Variants in PAX3 observed in about 807,000 individuals in gnomAD.
The protein encoded by PAX3 is paired box protein Pax-3.
PAX3 carries 14 observed loss-of-function variants against 51.6 expected under a neutral mutation model. The observed-to-expected ratio is 0.27, with a 90% CI of 0.18 to 0.42. The LOEUF (loss-of-function observed/expected upper bound fraction) is 0.42. PAX3 is among the 10% of genes least tolerant of loss of function. The pLI, the probability that PAX3 is intolerant of heterozygous loss-of-function variation, is 1.00. For synonymous variants in PAX3, 280 were observed against 253.4 expected (o/e 1.11, Z -1.00); for missense variants, 540 against 642.8 (o/e 0.84, Z 1.73).
chr2:222,244,578 T>C (rs926327980), intron 4 of PAX3, among the ~76,000 whole-genome samples: 2 of 152,088 alleles, frequency 1.3e-5, no homozygotes, highest in African/African-American at 4.8e-5. Context: ...ATGTGAAGAA[T>C]GTTCCCTACA....
intron 4 of PAX3, among the ~76,000 whole-genome samples, chr2:222,240,622 A>G (rs1692976410): frequency 1.3e-5 from 2 of 152,356 alleles, no homozygotes; most frequent in Non-Finnish European, 2.9e-5. Context: ...CACTCATACA[A>G]GCAACATTTT....
intron 7 of PAX3, among the ~76,000 whole-genome samples, chr2:222,212,084 T>C (rs1691759161): frequency 6.6e-6 from 1 of 152,050 alleles, no homozygotes; most frequent in South Asian, 2.1e-4. Context: ...ATAAATATAA[T>C]AATGTGGCAT....
chr2:222,233,745 C>T (rs1361250347), intron 4 of PAX3, among the ~76,000 whole-genome samples: 2 of 152,132 alleles, frequency 1.3e-5, no homozygotes, highest in African/African-American at 4.8e-5. Flanking sequence ...CAGCCTGGCT[C>T]TTGAACACAT....
chr2:222,221,024 A>G (rs533573404), intron 6 of PAX3, among the ~76,000 whole-genome samples, 198 bp downstream of exon 6: 35 of 152,374 alleles, frequency 2.3e-4, no homozygotes, highest in Non-Finnish European at 3.2e-4. Context: ...ATATTACAGC[A>G]CAGTTTATCT....
intron 7 of PAX3, among the ~76,000 whole-genome samples, chr2:222,215,553 G>A (rs1455617233): frequency 6.6e-6 from 1 of 151,996 alleles, no homozygotes; most frequent in African/African-American, 2.4e-5. Flanking sequence ...TTGGGGGTTT[G>A]GCTATGTGTG....
At chr2:222,269,112 T>C (rs1694158397) in intron 4 of PAX3, among the ~76,000 whole-genome samples, 1 of 152,262 alleles carries the variant, frequency 6.6e-6, no homozygotes, top group African/African-American at 2.4e-5. Flanking sequence ...GACATGGCCC[T>C]GTCTGGCTGC....
At chr2:222,216,283 A>G (rs996195620) in intron 7 of PAX3, among the ~76,000 whole-genome samples, 1 of 152,162 alleles carries the variant, frequency 6.6e-6, no homozygotes, top group East Asian at 1.9e-4. Flanking sequence ...CCATCAATTA[A>G]ATGATTGTGT....
At chr2:222,205,264 G>A (rs2106040727) in intron 7 of PAX3, among the ~76,000 whole-genome samples, 1 of 152,188 alleles carries the variant, frequency 6.6e-6, no homozygotes, top group Non-Finnish European at 1.5e-5. Flanking sequence ...AAGGTTCCAG[G>A]GCTGAGTAGC....
intron 4 of PAX3, among the ~76,000 whole-genome samples, chr2:222,271,925 C>A (rs1271489487): frequency 6.6e-6 from 1 of 152,198 alleles, no homozygotes; most frequent in African/African-American, 2.4e-5. Context: ...TCCAACTTCA[C>A]AAGGAGCTGT....
intron 7 of PAX3, among the ~76,000 whole-genome samples, chr2:222,218,601 T>C (rs1408297517): frequency 6.6e-6 from 1 of 152,216 alleles, no homozygotes; most frequent in Non-Finnish European, 1.5e-5. Context: ...CTTCTGATGT[T>C]ACTTCTAAGT....
Position 222,201,129 on chromosome 2 carries a change from A to T in PAX3, c.*279T>A. 5.0e-6 allele frequency: 8 copies of T among 1,604,076 alleles called. No individual in the cohort carries two copies. The highest frequency in any genetic ancestry group is 6.0e-6 in the Non-Finnish European group (7 of 1,171,364). On this transcript the variant is annotated 3_prime_UTR_variant, in exon 9 of 9. Transcript: ENST00000392070. ...CACTAAAGAATTGGGATGTTTTGAT[A>T]TGTAACCATGTGAAACCATTGCCTT... is the stretch of plus-strand genomic sequence containing the variant.
intron 4 of PAX3, chr2:222,287,277 T>A (rs906324020): frequency 1.3e-5 from 2 of 152,206 alleles, no homozygotes; most frequent in Non-Finnish European, 2.9e-5. Context: ...AGAAAATAGG[T>A]ATTGAAGGTA....
At chr2:222,287,166 G>A (rs1039223265) in intron 4 of PAX3, among the ~76,000 whole-genome samples, 1 of 152,168 alleles carries the variant, frequency 6.6e-6, no homozygotes, top group Non-Finnish European at 1.5e-5. Flanking sequence ...TTGCTCTACC[G>A]AAGACTGGTG....
At position 222,224,442 on chromosome 2, in the gene PAX3, T is replaced by C. The variant is rs913953765; in HGVS notation, c.793-3055A>G. The stretch of plus-strand genomic sequence containing the variant: ...TATCATCTTACCATTGCCAGCCTTC[T>C]GCATTTCCTAGAACCAGCTGAATTT... On this transcript the variant is annotated intron_variant, in intron 5 of 8. Coordinates refer to ENST00000392070, the MANE Select transcript of PAX3 (RefSeq NM_181458.4). 1.1e-4 allele frequency among the ~76,000 whole-genome samples: 17 copies of C among 152,226 alleles called. 1 individual carries two copies. The South Asian group carries it at 1.4e-3, about 13-fold the overall frequency.
At chr2:222,258,276 TA>T (rs1398681367) in intron 4 of PAX3, among the ~76,000 whole-genome samples, 2 of 150,418 alleles carry the variant, frequency 1.3e-5, no homozygotes, top group Non-Finnish European at 3.0e-5. Context: ...ATAGTGGGAA[TA>T]ATAATATTTA....
intron 5 of PAX3, among the ~76,000 whole-genome samples, chr2:222,228,135 C>T (rs1433539859): frequency 1.3e-5 from 2 of 152,160 alleles, no homozygotes; most frequent in African/African-American, 2.4e-5. Context: ...ATTAACTACT[C>T]CCTTCTTTTT....
intron 3 of PAX3, among the ~76,000 whole-genome samples, chr2:222,295,247 C>T (rs993198171): frequency 6.6e-6 from 1 of 152,202 alleles, no homozygotes; most frequent in African/African-American, 2.4e-5. Flanking sequence ...TTAATAAACG[C>T]TCTGCCTCCG....
intron 7 of PAX3, among the ~76,000 whole-genome samples, chr2:222,203,101 T>C (rs1691371808): frequency 7.5e-6 from 1 of 133,344 alleles, no homozygotes; most frequent in African/African-American, 2.8e-5. Flanking sequence ...AACATGGTCT[T>C]AAAAAGTTCA....
intron 4 of PAX3, among the ~76,000 whole-genome samples, chr2:222,289,304 G>A (rs541932926): frequency 5.2e-4 from 79 of 152,216 alleles, no homozygotes; most frequent in African/African-American, 1.9e-3. Flanking sequence ...ATCTACTTAT[G>A]TACAACTTAA....
Sources: allele counts gnomAD v4.1 joint callset (sites outside exome capture counted in the v4.1 genomes callset), GRCh38; gene constraint gnomAD v4.1.1; transcripts MANE v1.5; gene names NCBI Gene and HGNC (gene_info 2026-07-23, HGNC 2026-07-21).